Variants in DAB1 observed in about 807,000 individuals in gnomAD.
DAB1 encodes the protein DAB adaptor protein 1, also known as disabled homolog 1.
A neutral mutation model predicts 64.6 loss-of-function variants in DAB1; 15 were observed. The observed-to-expected ratio is 0.23, with a 90% CI of 0.16 to 0.36. The LOEUF (loss-of-function observed/expected upper bound fraction) is 0.36. DAB1 is among the 10% of genes least tolerant of loss of function. DAB1 has a pLI of 1.00. For missense variants in DAB1, 596 were observed against 706.7 expected (o/e 0.84, Z 1.78); for synonymous variants, 235 against 251.9 (o/e 0.93, Z 0.64).
rs556407294 is a variant in DAB1 at position 58,155,832 on chromosome 1, G to A, written n.310-5244C>T. Among the ~76,000 whole-genome samples, 5 of 152,314 alleles carry A rather than the reference G, an allele frequency of 3.3e-5. 1 individual carries two copies. The highest frequency in any genetic ancestry group is 9.6e-5 in the African/African-American group (4 of 41,582). ...GCACGTATTCAATAAATGACTTCATGATGAAAGATTTCCAAGCAATACTGC... is the reference window on the plus strand; with the variant it reads ...GCACGTATTCAATAAATGACTTCATAATGAAAGATTTCCAAGCAATACTGC... On this transcript the variant is annotated intron_variant and non_coding_transcript_variant, in intron 4 of 20. Coordinates refer to the DAB1 transcript ENST00000485760.
intron 5 of DAB1, among the ~76,000 whole-genome samples, chr1:58,148,964 T>A (rs1402029414): frequency 1.3e-5 from 2 of 152,176 alleles, no homozygotes; most frequent in African/African-American, 2.4e-5. Context: ...CCTGGAATGG[T>A]CTTTACTCCA....
At chr1:58,201,606 T>C (rs575706766) in intron 4 of DAB1, among the ~76,000 whole-genome samples, 2 of 152,318 alleles carry the variant, frequency 1.3e-5, no homozygotes, top group South Asian at 2.1e-4. Flanking sequence ...CAAAATTCTG[T>C]GTCCACTGTT....
At chr1:57,861,960 C>T (rs2101943000) in intron 1 of DAB1, among the ~76,000 whole-genome samples, 1 of 152,138 alleles carries the variant, frequency 6.6e-6, no homozygotes, top group Admixed American at 6.5e-5. Context: ...GTTATGCTTT[C>T]TCTGCTTAAA....
chr1:58,064,293 A>G (rs1362167760), intron 5 of DAB1, among the ~76,000 whole-genome samples: 1 of 152,194 alleles, frequency 6.6e-6, no homozygotes, highest in African/African-American at 2.4e-5. Context: ...AAAATATGGC[A>G]TGTGTTTAGA....
intron 5 of DAB1, among the ~76,000 whole-genome samples, chr1:58,100,766 T>G (rs975684040): frequency 2.0e-5 from 3 of 152,222 alleles, no homozygotes; most frequent in African/African-American, 7.2e-5. Flanking sequence ...TTTCTCTGAT[T>G]CATTGCAGTA....
At chr1:57,549,852 AG>A (rs1376973573) in intron 7 of DAB1, among the ~76,000 whole-genome samples, 5 of 152,186 alleles carry the variant, frequency 3.3e-5, no homozygotes, top group Admixed American at 3.3e-4. Context: ...GAGATTTTTG[AG>A]GGATGGTTCT....
At chr1:57,356,779 T>C (rs1570358190) in intron 1 of DAB1, among the ~76,000 whole-genome samples, 1 of 152,012 alleles carries the variant, frequency 6.6e-6, no homozygotes, top group African/African-American at 2.4e-5. Flanking sequence ...ACTGATACCA[T>C]CCTACAGCTA....
intron 5 of DAB1, among the ~76,000 whole-genome samples, chr1:57,994,611 T>C (rs11207143): frequency 0.02 from 3,079 of 152,280 alleles, 67 homozygotes; most frequent in African/African-American, 0.049. Flanking sequence ...GGAGTAAGCA[T>C]CTCTGTGTGG....
chr1:57,894,935 T>A (rs1644371568), intron 5 of DAB1, among the ~76,000 whole-genome samples: 1 of 152,122 alleles, frequency 6.6e-6, no homozygotes, highest in African/African-American at 2.4e-5. Flanking sequence ...CATAAATTGG[T>A]CTGAGCAAAT....
chr1:57,766,313 GA>G, intron 6 of DAB1, among the ~76,000 whole-genome samples: 1 of 149,834 alleles, frequency 6.7e-6, no homozygotes, highest in Non-Finnish European at 1.5e-5. Flanking sequence ...ACTTAAGGCA[GA>G]AAAAAATCAG....
intron 1 of DAB1, among the ~76,000 whole-genome samples, chr1:57,349,533 G>A (rs1051803982): frequency 6.6e-6 from 1 of 152,182 alleles, no homozygotes; most frequent in African/African-American, 2.4e-5. Flanking sequence ...GCTCTCTGAC[G>A]AAGGTCATCG....
At chr1:58,346,791 T>C (rs1437374258) in intron 3 of DAB1, among the ~76,000 whole-genome samples, 1 of 152,196 alleles carries the variant, frequency 6.6e-6, no homozygotes. Context: ...AGCAACTACC[T>C]GCTAGAAGGA....
At chr1:57,765,215 C>T (rs775121284) in intron 6 of DAB1, among the ~76,000 whole-genome samples, 9 of 152,044 alleles carry the variant, frequency 5.9e-5, no homozygotes, top group Non-Finnish European at 4.4e-5. Context: ...TTTAAACACG[C>T]TATGTTTTGT....
intron 2 of DAB1, among the ~76,000 whole-genome samples, chr1:57,193,749 CTAAT>C (rs1664376991): frequency 6.6e-6 from 1 of 152,254 alleles, no homozygotes; most frequent in Non-Finnish European, 1.5e-5. Flanking sequence ...CCACTTTTAA[CTAAT>C]TAGGTAATTA....
At chr1:57,720,926 G>C (rs1647142912) in intron 6 of DAB1, among the ~76,000 whole-genome samples, 1 of 152,146 alleles carries the variant, frequency 6.6e-6, no homozygotes. Flanking sequence ...ACTGGCCCTG[G>C]GCCAGGCTCA....
chr1:58,181,412 T>C (rs1656785381), intron 4 of DAB1, among the ~76,000 whole-genome samples: 2 of 152,144 alleles, frequency 1.3e-5, no homozygotes, highest in Admixed American at 1.3e-4. Flanking sequence ...TGCTTTTTGA[T>C]AGAAGCAGTT....
intron 2 of DAB1, among the ~76,000 whole-genome samples, chr1:57,260,551 T>G (rs1670103027): frequency 6.6e-6 from 1 of 152,138 alleles, no homozygotes; most frequent in Non-Finnish European, 1.5e-5. Context: ...CCCTGAGAAC[T>G]AGACTGCCTG....
At chr1:57,889,623 T>C (rs561280808) in intron 5 of DAB1, among the ~76,000 whole-genome samples, 9 of 152,320 alleles carry the variant, frequency 5.9e-5, no homozygotes, top group African/African-American at 2.2e-4. Context: ...TTCTGCCCCG[T>C]ATGATCCCAG....
chr1:57,373,189 A>G (rs1432500490), intron 1 of DAB1, among the ~76,000 whole-genome samples: 1 of 152,148 alleles, frequency 6.6e-6, no homozygotes, highest in East Asian at 1.9e-4. Context: ...ACCCTGTCTC[A>G]AAATAAATTA....
Sources: allele counts gnomAD v4.1 joint callset (sites outside exome capture counted in the v4.1 genomes callset), GRCh38; gene constraint gnomAD v4.1.1; transcripts MANE v1.5; gene names NCBI Gene and HGNC (gene_info 2026-07-23, HGNC 2026-07-21).